Variants in CTNNA2 observed in about 807,000 individuals in gnomAD.
CTNNA2 encodes the protein catenin alpha 2, also known as catenin alpha-2.
CTNNA2 carries 42 observed loss-of-function variants against 101.0 expected under a neutral mutation model. That is an observed-to-expected ratio of 0.42 (90% confidence interval 0.32 to 0.54). CTNNA2 has a LOEUF of 0.54. Among genes scored for constraint, CTNNA2 ranks in the 20% least tolerant of loss-of-function variants. The pLI, the probability that CTNNA2 is intolerant of heterozygous loss-of-function variation, is 0.14. For synonymous variants in CTNNA2, 450 were observed against 456.4 expected (o/e 0.99, Z 0.18); for missense variants, 871 against 1,223.1 (o/e 0.71, Z 4.29).
chr2:79,614,779 A>G (rs542559690), intron 1 of CTNNA2, among the ~76,000 whole-genome samples: 51 of 152,324 alleles, frequency 3.3e-4, no homozygotes, highest in African/African-American at 1.0e-3. Context: ...TCTTTCCTGT[A>G]GCATGGTTGA....
intron 4 of CTNNA2, among the ~76,000 whole-genome samples, chr2:79,450,460 C>CAGTGTTAG (rs1391395111): frequency 6.6e-6 from 1 of 151,982 alleles, no homozygotes; most frequent in Non-Finnish European, 1.5e-5. Context: ...GCCACTCTAA[C>CAGTGTTAG]AGTGGCCATG....
At chr2:79,962,397 T>C (rs959296431) in intron 7 of CTNNA2, among the ~76,000 whole-genome samples, 24 of 152,246 alleles carry the variant, frequency 1.6e-4, no homozygotes, top group Non-Finnish European at 4.4e-5. Context: ...GCATGCCTCT[T>C]AATACTGTCA....
At chr2:79,370,236 A>G (rs2104454048) in intron 3 of CTNNA2, among the ~76,000 whole-genome samples, 1 of 152,348 alleles carries the variant, frequency 6.6e-6, no homozygotes, top group African/African-American at 2.4e-5. Context: ...CTGAGCAAGG[A>G]CAAATTACTC....
chr2:79,516,522 C>T (rs1017334632), intron 1 of CTNNA2, among the ~76,000 whole-genome samples: 2 of 152,144 alleles, frequency 1.3e-5, no homozygotes, highest in Admixed American at 1.3e-4. Context: ...AGACTATTTA[C>T]TGGAAGATTT....
intron 2 of CTNNA2, among the ~76,000 whole-genome samples, chr2:79,261,695 C>T (rs2104287379): frequency 6.6e-6 from 1 of 152,304 alleles, no homozygotes; most frequent in Middle Eastern, 3.4e-3. Flanking sequence ...TGGATTAGGG[C>T]CCCATCCTTA....
intron 3 of CTNNA2, among the ~76,000 whole-genome samples, chr2:79,316,056 C>T (rs1676489398): frequency 6.6e-6 from 1 of 152,008 alleles, no homozygotes; most frequent in Admixed American, 6.5e-5. Context: ...AGATTACTCC[C>T]AAGTTTTCCT....
intron 4 of CTNNA2, among the ~76,000 whole-genome samples, chr2:79,375,526 T>C (rs945246474): frequency 2.0e-5 from 3 of 152,162 alleles, no homozygotes; most frequent in Non-Finnish European, 4.4e-5. Flanking sequence ...GTGTCGACTC[T>C]AGGCCTGGGA....
intron 6 of CTNNA2, among the ~76,000 whole-genome samples, chr2:79,882,053 C>G (rs541738499): frequency 6.6e-6 from 1 of 151,876 alleles, no homozygotes. Flanking sequence ...TTTATTTCTC[C>G]TTTGCTTATG....
At chr2:79,547,160 G>C (rs1017394126) in intron 1 of CTNNA2, 3 of 152,096 alleles carry the variant, frequency 2.0e-5, no homozygotes, top group African/African-American at 7.2e-5. Flanking sequence ...CTTCTCACCA[G>C]AATGACTCTT....
intron 9 of CTNNA2, among the ~76,000 whole-genome samples, chr2:80,516,975 A>G (rs1038404298): frequency 6.6e-6 from 1 of 152,094 alleles, no homozygotes; most frequent in African/African-American, 2.4e-5. Flanking sequence ...TTTGGTAGAA[A>G]CTTCTAAGTT....
At position 79,197,183 on chromosome 2, in the gene CTNNA2, C is replaced by A. The variant is rs150060026; in HGVS notation, c.-523-776C>A. Among the ~76,000 whole-genome samples the A allele has an allele frequency of 2.4e-3, 360 of 152,116 alleles. 2 individuals carry two copies. The highest frequency in any genetic ancestry group is 1.7e-3 in the Non-Finnish European group (116 of 68,012). Reference sequence around the variant, plus strand: ...CTATGTGGAAATAAATAAAGAGCACCCGAATTAGAACAAACAGAGACTATT... The same window carrying A: ...CTATGTGGAAATAAATAAAGAGCACACGAATTAGAACAAACAGAGACTATT... On this transcript the variant is annotated intron_variant, in intron 1 of 21. Coordinates refer to the CTNNA2 transcript ENST00000466387.
chr2:79,285,045 C>T (rs1376332059), intron 2 of CTNNA2, among the ~76,000 whole-genome samples: 11 of 137,260 alleles, frequency 8.0e-5, no homozygotes, highest in East Asian at 2.2e-4. Context: ...AGTTTATTTG[C>T]GTAGAGGTGT....
intron 4 of CTNNA2, among the ~76,000 whole-genome samples, chr2:79,480,991 T>A (rs982024118): frequency 3.3e-5 from 5 of 149,454 alleles, no homozygotes; most frequent in Non-Finnish European, 7.4e-5. Context: ...CTTAGTAGGG[T>A]TTTTTTTAAA....
chr2:80,360,828 G>T (rs1158334810), intron 7 of CTNNA2, among the ~76,000 whole-genome samples: 1 of 152,104 alleles, frequency 6.6e-6, no homozygotes, highest in Non-Finnish European at 1.5e-5. Context: ...GGAGATCTAT[G>T]CAGAACCTGG....
intron 4 of CTNNA2, among the ~76,000 whole-genome samples, chr2:79,499,766 A>G (rs1016842257): frequency 2.0e-5 from 3 of 152,214 alleles, no homozygotes; most frequent in East Asian, 3.9e-4. Flanking sequence ...ATGCTCCTAC[A>G]TGGAGCCTTG....
chr2:80,106,141 G>A (rs565973717), intron 7 of CTNNA2, among the ~76,000 whole-genome samples: 4 of 152,292 alleles, frequency 2.6e-5, no homozygotes, highest in Admixed American at 2.0e-4. Flanking sequence ...GTATGTAGAG[G>A]TGGCATATAG....
At chr2:79,981,794 A>G (rs1384672717) in intron 7 of CTNNA2, among the ~76,000 whole-genome samples, 2 of 152,162 alleles carry the variant, frequency 1.3e-5, no homozygotes, top group Non-Finnish European at 2.9e-5. Flanking sequence ...TTTTAAGTGT[A>G]AATACCTAAC....
chr2:79,365,820 C>G (rs902548799), intron 3 of CTNNA2, among the ~76,000 whole-genome samples: 1 of 152,062 alleles, frequency 6.6e-6, no homozygotes, highest in Non-Finnish European at 1.5e-5. Context: ...GCCAAGAGAG[C>G]CCAGGGAAGG....
chr2:79,546,919 C>G (rs1487896148), intron 1 of CTNNA2, among the ~76,000 whole-genome samples: 1 of 152,202 alleles, frequency 6.6e-6, no homozygotes, highest in Non-Finnish European at 1.5e-5. Flanking sequence ...TTTCCAGATT[C>G]AAGCCTTAAG....
Sources: gnomAD v4.1 joint callset for allele counts (sites outside exome capture counted in the v4.1 genomes callset) on GRCh38, gnomAD v4.1.1 for gene constraint, MANE v1.5 for transcripts, NCBI Gene and HGNC (gene_info 2026-07-23, HGNC 2026-07-21) for gene names.